LSAMP: variants seen among roughly 807,000 people sequenced by gnomAD.
LSAMP encodes limbic system-associated membrane protein.
LSAMP carries 7 observed loss-of-function variants against 38.6 expected under a neutral mutation model. The ratio of observed to expected loss-of-function variants is 0.18; its 90% CI spans 0.10 to 0.34. The LOEUF (loss-of-function observed/expected upper bound fraction) is 0.34. LSAMP is among the 10% of genes least tolerant of loss of function. The pLI is 1.00. For missense variants in LSAMP, 313 were observed against 420.0 expected (o/e 0.75, Z 2.23); for synonymous variants, 154 against 166.8 (o/e 0.92, Z 0.59).
At chr3:115,982,243 T>G (rs1218253081) in intron 3 of LSAMP, among the ~76,000 whole-genome samples, 2 of 152,084 alleles carry the variant, frequency 1.3e-5, no homozygotes, top group African/African-American at 4.8e-5. Context: ...GACTGAACTG[T>G]GTATGAAGGA....
At chr3:115,927,099 G>A (rs925008711) in intron 3 of LSAMP, among the ~76,000 whole-genome samples, 4 of 152,172 alleles carry the variant, frequency 2.6e-5, no homozygotes, top group African/African-American at 7.2e-5. Flanking sequence ...AAATTGAATG[G>A]TACTCTTCTT....
intron 1 of LSAMP, among the ~76,000 whole-genome samples, chr3:116,298,045 C>T (rs1392901759): frequency 6.6e-6 from 1 of 152,178 alleles, no homozygotes; most frequent in Non-Finnish European, 1.5e-5. Flanking sequence ...AAAAGGCATG[C>T]TTCTTCAACA....
intron 3 of LSAMP, among the ~76,000 whole-genome samples, chr3:115,877,461 T>A (rs1184388556): frequency 1.3e-5 from 2 of 152,128 alleles, no homozygotes; most frequent in Non-Finnish European, 2.9e-5. Context: ...AATGAGTAGC[T>A]TTTTTCTTTT....
chr3:116,434,075 C>T (rs188485920), intron 1 of LSAMP, among the ~76,000 whole-genome samples: 39 of 152,250 alleles, frequency 2.6e-4, no homozygotes, highest in Admixed American at 6.5e-5. Flanking sequence ...TTTACCGTAC[C>T]AATAATCAGA....
chr3:116,377,630 G>A (rs1023908298), intron 1 of LSAMP, among the ~76,000 whole-genome samples: 1 of 151,956 alleles, frequency 6.6e-6, no homozygotes, highest in African/African-American at 2.4e-5. Flanking sequence ...GGTATTTGTT[G>A]TTCTAGATCT....
intron 3 of LSAMP, among the ~76,000 whole-genome samples, chr3:116,006,010 AC>A (rs1485277983): frequency 2.0e-5 from 3 of 152,082 alleles, no homozygotes; most frequent in Non-Finnish European, 2.9e-5. Context: ...AAAATCTGTG[AC>A]CCCAGAGCTC....
chr3:116,236,440 T>C (rs962872342), intron 1 of LSAMP, among the ~76,000 whole-genome samples: 3 of 152,072 alleles, frequency 2.0e-5, no homozygotes, highest in Non-Finnish European at 2.9e-5. Flanking sequence ...AAAGAAACAA[T>C]GAAGAAAATT....
intron 1 of LSAMP, among the ~76,000 whole-genome samples, chr3:116,334,807 C>A (rs559783250): frequency 6.6e-6 from 1 of 152,178 alleles, no homozygotes; most frequent in Admixed American, 6.5e-5. Context: ...AGACTGAAAG[C>A]TTTTCCTGTG....
chr3:116,231,359 C>T (rs1047763749), intron 1 of LSAMP, among the ~76,000 whole-genome samples: 8 of 152,166 alleles, frequency 5.3e-5, no homozygotes, highest in Admixed American at 2.0e-4. Context: ...GAGCCAGGTT[C>T]TTCATCTTCT....
intron 2 of LSAMP, among the ~76,000 whole-genome samples, chr3:116,057,943 A>C (rs1046040472): frequency 1.9e-5 from 2 of 105,512 alleles, no homozygotes; most frequent in African/African-American, 3.9e-5. Context: ...ACACACACAC[A>C]CACACACACA....
chr3:116,007,052 T>A (rs1222507269), intron 3 of LSAMP, among the ~76,000 whole-genome samples: 1 of 152,208 alleles, frequency 6.6e-6, no homozygotes, highest in Non-Finnish European at 1.5e-5. Context: ...CTAGAATACC[T>A]TAAAGAATTA....
At chr3:116,182,788 T>C (rs901914677) in intron 1 of LSAMP, among the ~76,000 whole-genome samples, 2 of 151,854 alleles carry the variant, frequency 1.3e-5, no homozygotes, top group African/African-American at 2.4e-5. Context: ...TGGTAATGTA[T>C]ATTTTTGTAC....
chr3:116,062,117 A>T (rs1941604285), intron 2 of LSAMP, among the ~76,000 whole-genome samples: 1 of 152,258 alleles, frequency 6.6e-6, no homozygotes, highest in Admixed American at 6.5e-5. Context: ...CAAAATAAGT[A>T]CTAATAAGCC....
At chr3:116,033,936 T>G (rs1250784974) in intron 2 of LSAMP, among the ~76,000 whole-genome samples, 1 of 152,134 alleles carries the variant, frequency 6.6e-6, no homozygotes, top group East Asian at 1.9e-4. Context: ...TATTTGGTAC[T>G]GCCCTTGTGG....
chr3:116,256,762 C>A (rs1046445571), intron 1 of LSAMP, among the ~76,000 whole-genome samples: 8 of 151,344 alleles, frequency 5.3e-5, no homozygotes, highest in Non-Finnish European at 1.2e-4. Flanking sequence ...ATAATTCAAT[C>A]CATTTCACCC....
At position 116,172,602 on chromosome 3, in the gene LSAMP, ATGT is replaced by A. The variant is rs1710228467; in HGVS notation, c.156-86049_156-86047del. ...AAAACTCCCAAGAAAGATGGTAGCAATGTTGTTGAGAGGATAAGGGATAGAAAT... is the reference window on the plus strand; with the variant it reads ...AAAACTCCCAAGAAAGATGGTAGCAATGTTGAGAGGATAAGGGATAGAAAT... On this transcript the variant is annotated intron_variant, in intron 1 of 6. Coordinates refer to ENST00000490035, the MANE Select transcript of LSAMP (RefSeq NM_002338.5). Among the ~76,000 whole-genome samples the A allele has an allele frequency of 2.0e-5, 3 of 152,164 alleles. No homozygotes were observed. The South Asian group carries it at 6.2e-4, about 31-fold the overall frequency.
intron 6 of LSAMP, among the ~76,000 whole-genome samples, chr3:115,841,196 C>G (rs536635430): frequency 6.6e-6 from 1 of 152,320 alleles, no homozygotes; most frequent in Non-Finnish European, 1.5e-5. Context: ...CTTTCAGGAT[C>G]TTCTCTGGTC....
chr3:116,202,059 AG>A (rs768880738), intron 1 of LSAMP, among the ~76,000 whole-genome samples: 4 of 151,910 alleles, frequency 2.6e-5, no homozygotes, highest in Non-Finnish European at 5.9e-5. Flanking sequence ...TGCCTACTTC[AG>A]TCATGACTAC....
At chr3:116,087,182 G>A (rs1179769641) in intron 1 of LSAMP, among the ~76,000 whole-genome samples, 1 of 152,214 alleles carries the variant, frequency 6.6e-6, no homozygotes, top group Non-Finnish European at 1.5e-5. Flanking sequence ...GCTGAAGGCA[G>A]AAGCTTGTTT....
Sources: gnomAD v4.1 joint callset for allele counts (sites outside exome capture counted in the v4.1 genomes callset) on GRCh38, gnomAD v4.1.1 for gene constraint, MANE v1.5 for transcripts, NCBI Gene and HGNC (gene_info 2026-07-23, HGNC 2026-07-21) for gene names.